The following CYP4Z1 variants were observed in gnomAD, a reference collection of about 807,000 sequenced individuals.
CYP4Z1 encodes the protein cytochrome P450 4Z1.
CYP4Z1 carries 41 observed loss-of-function variants against 54.2 expected under a neutral mutation model. The observed-to-expected ratio is 0.76, with a 90% CI of 0.59 to 0.98. The LOEUF is 0.98. CYP4Z1 is among the 50% of genes least tolerant of loss of function. CYP4Z1 has a pLI of 0.00. For missense variants in CYP4Z1, 513 were observed against 599.0 expected (o/e 0.86, Z 1.50); for synonymous variants, 163 against 206.2 (o/e 0.79, Z 1.79).
chr1:47,103,033 A>T (rs4926776), intron 8 of CYP4Z1, among the ~76,000 whole-genome samples: 38,997 of 151,664 alleles, frequency 0.26, 5,848 homozygotes, highest in East Asian at 0.69. Flanking sequence ...TTCTTTTTTT[A>T]AAAAAATTGT....
upstream of CYP4Z1, among the ~76,000 whole-genome samples, chr1:47,062,562 A>G (rs1644429598): frequency 6.6e-6 from 1 of 152,092 alleles, no homozygotes; most frequent in South Asian, 2.1e-4. Flanking sequence ...GAGCCCTCTG[A>G]CTACCGGCTT....
intron 9 of CYP4Z1, among the ~76,000 whole-genome samples, chr1:47,114,196 A>C (rs1457142019): frequency 6.6e-6 from 1 of 152,252 alleles, no homozygotes; most frequent in Non-Finnish European, 1.5e-5. Flanking sequence ...AAATGGGGAA[A>C]CGATTCCCTT....
At chr1:47,083,748 T>C (rs1001721442) in intron 4 of CYP4Z1, among the ~76,000 whole-genome samples, 1 of 152,146 alleles carries the variant, frequency 6.6e-6, no homozygotes, top group African/African-American at 2.4e-5. Context: ...CTAAGGCTCC[T>C]TCCTGATGAT....
chr1:47,084,075 G>GT (rs915438332), intron 4 of CYP4Z1, among the ~76,000 whole-genome samples: 35 of 152,256 alleles, frequency 2.3e-4, no homozygotes, highest in African/African-American at 8.4e-4. Flanking sequence ...ATATTGGCAG[G>GT]TATGTCCAAG....
chr1:47,075,164 TG>T, intron 2 of CYP4Z1: 1 of 337,586 alleles, frequency 3.0e-6, no homozygotes, highest in Non-Finnish European at 5.6e-6. Context: ...GCAGAGATGG[TG>T]GGGGAATATG....
At chr1:47,114,223 A>G (rs1427518653) in intron 9 of CYP4Z1, among the ~76,000 whole-genome samples, 5 of 152,190 alleles carry the variant, frequency 3.3e-5, no homozygotes, top group Non-Finnish European at 5.9e-5. Context: ...AAATGGTGCT[A>G]GGAAAGCTGG....
chr1:47,077,309 G>C (rs1644531998), intron 2 of CYP4Z1, among the ~76,000 whole-genome samples: 1 of 152,006 alleles, frequency 6.6e-6, no homozygotes, highest in Non-Finnish European at 1.5e-5. Flanking sequence ...CTTCTTGATG[G>C]ATTGACCCCT....
chr1:47,081,705 T>G (rs534543083), intron 3 of CYP4Z1, among the ~76,000 whole-genome samples: 1 of 100,736 alleles, frequency 9.9e-6, no homozygotes, highest in African/African-American at 5.1e-5. Flanking sequence ...ATCTTGCTCT[T>G]GAGGATCCCT....
At chr1:47,104,491 C>G (rs4926791) in intron 8 of CYP4Z1, among the ~76,000 whole-genome samples, 1 of 151,748 alleles carries the variant, frequency 6.6e-6, no homozygotes, top group African/African-American at 2.4e-5. Flanking sequence ...TGAGCTCTTG[C>G]GCACCTAGGC....
rs555435334 is a variant in CYP4Z1, at chr1:47,093,537, A to C, written c.773-1029A>C. ...GAGGCAATGTGCCAAATTGCCTGCT[A>C]TTATGGCCCATGCTAAAGCATTTAC... On this transcript the variant is annotated intron_variant, in intron 6 of 11. Transcript: ENST00000334194. Among the ~76,000 whole-genome samples the C allele has an allele frequency of 4.6e-5, 7 of 152,368 alleles. No individual in the cohort carries two copies. In the East Asian group the frequency reaches 1.3e-3, roughly 29 times the overall value.
At chr1:47,085,433 A>G (rs1467837281) in intron 6 of CYP4Z1, among the ~76,000 whole-genome samples, 1 of 152,188 alleles carries the variant, frequency 6.6e-6, no homozygotes, top group African/African-American at 2.4e-5. Flanking sequence ...GACATAGATA[A>G]CTTTGAGGGA....
intron 9 of CYP4Z1, 196 bp from the exon 10 acceptor site, chr1:47,115,333 T>G: frequency 2.1e-6 from 1 of 466,514 alleles, no homozygotes. Flanking sequence ...CATTAGGAGA[T>G]ATACCTAATG....
intron 7 of CYP4Z1, chr1:47,096,529 G>A (rs1297388088): frequency 1.3e-5 from 2 of 152,048 alleles, no homozygotes; most frequent in African/African-American, 4.8e-5. Context: ...TACATGTGGA[G>A]GATGTGCAGG....
intron 1 of CYP4Z1, 64 bp from the exon 2 acceptor site, chr1:47,068,558 G>A (rs1238115538): frequency 7.1e-5 from 112 of 1,587,530 alleles, no homozygotes; most frequent in East Asian, 1.3e-4. Context: ...TGGTCCATCC[G>A]AGGGAAAGGG....
rs377264800 is a variant in CYP4Z1 at position 47,092,312 on chromosome 1, C to A, written c.773-2254C>A. ...AGCTTTTTCTCTTCTTTTGGGCCTC[C>A]CCCTGGTCCCTATTATAAAAGACCA... is the stretch of plus-strand genomic sequence containing the variant. On this transcript the variant is annotated intron_variant, in intron 6 of 11. Coordinates refer to ENST00000334194, the MANE Select transcript of CYP4Z1 (RefSeq NM_178134.3). Among the ~76,000 whole-genome samples the A allele has an allele frequency of 2.0e-4, 30 of 152,106 alleles. No homozygotes were observed. The East Asian group carries it at 3.5e-3, about 18-fold the overall frequency.
intron 6 of CYP4Z1, among the ~76,000 whole-genome samples, chr1:47,093,662 C>A (rs902268898): frequency 1.3e-5 from 2 of 152,120 alleles, no homozygotes; most frequent in African/African-American, 4.8e-5. Flanking sequence ...AACATAGGAA[C>A]TGAGGGGCTA....
At chr1:47,064,061 G>A (rs1202468363), upstream of CYP4Z1, among the ~76,000 whole-genome samples, 1 of 146,754 alleles carries the variant, frequency 6.8e-6, no homozygotes, top group Non-Finnish European at 1.5e-5. Flanking sequence ...AACCCTACAA[G>A]TTAGAAGGGA....
chr1:47,076,950 T>A (rs1225832957), intron 2 of CYP4Z1, among the ~76,000 whole-genome samples: 1 of 151,828 alleles, frequency 6.6e-6, no homozygotes, highest in African/African-American at 2.4e-5. Context: ...GAGAGGTATT[T>A]TTGTATGATT....
intron 8 of CYP4Z1, among the ~76,000 whole-genome samples, chr1:47,104,386 T>C (rs4926786): frequency 0.43 from 65,056 of 151,672 alleles, 15,253 homozygotes; most frequent in East Asian, 0.96. Flanking sequence ...AGGTGATGTA[T>C]ACTAGCACCA....
Sources: allele counts gnomAD v4.1 joint callset (sites outside exome capture counted in the v4.1 genomes callset), GRCh38; gene constraint gnomAD v4.1.1; transcripts MANE v1.5; gene names NCBI Gene and HGNC (gene_info 2026-07-23, HGNC 2026-07-21).